Variants in SLC25A26 observed in about 807,000 individuals in gnomAD.
SLC25A26 encodes the protein solute carrier family 25 member 26, also known as mitochondrial S-adenosylmethionine carrier protein.
Under a neutral mutation model 37.8 loss-of-function variants are expected in SLC25A26, and 36 were observed. That is an observed-to-expected ratio of 0.95 (90% CI 0.73 to 1.26). The LOEUF (loss-of-function observed/expected upper bound fraction) is 1.26. SLC25A26 is among the 50% of genes most tolerant of loss of function. The probability of loss-of-function intolerance (pLI) is 0.00; values close to 1 mark genes in which losing one functional copy is unlikely to be tolerated. For missense variants in SLC25A26, 390 were observed against 331.1 expected (o/e 1.18, Z -1.38); for synonymous variants, 129 against 122.5 (o/e 1.05, Z -0.35).
chr3:66,283,324 C>A (rs989058849), intron 5 of SLC25A26, among the ~76,000 whole-genome samples: 5 of 152,142 alleles, frequency 3.3e-5, no homozygotes, highest in African/African-American at 1.2e-4. Flanking sequence ...ACTGTGTTAA[C>A]CCAGGCTGAG....
chr3:66,322,925 G>GT (rs1228284276), intron 5 of SLC25A26, among the ~76,000 whole-genome samples: 1 of 149,148 alleles, frequency 6.7e-6, no homozygotes, highest in African/African-American at 2.4e-5. Context: ...CCCCCAATCT[G>GT]TTTTTTACCT....
intron 5 of SLC25A26, among the ~76,000 whole-genome samples, chr3:66,295,523 T>G (rs1183869121): frequency 6.6e-6 from 1 of 151,054 alleles, no homozygotes; most frequent in African/African-American, 2.4e-5. Flanking sequence ...TGCCTCAGCC[T>G]CCTGAGTAGC....
chr3:66,363,498 C>T (rs1332070105), intron 7 of SLC25A26, among the ~76,000 whole-genome samples: 8 of 152,198 alleles, frequency 5.3e-5, no homozygotes, highest in Admixed American at 5.2e-4. Context: ...TATGCAATAC[C>T]GTGTTATCCA....
intron 7 of SLC25A26, among the ~76,000 whole-genome samples, chr3:66,368,732 T>C (rs1575618045): frequency 6.6e-6 from 1 of 152,260 alleles, no homozygotes; most frequent in East Asian, 1.9e-4. Context: ...AGAACAGTGG[T>C]CCAGGCTGGG....
intron 5 of SLC25A26, among the ~76,000 whole-genome samples, chr3:66,284,025 T>G (rs2074429172): frequency 6.6e-6 from 1 of 152,258 alleles, no homozygotes; most frequent in Non-Finnish European, 1.5e-5. Context: ...TAAAATATTT[T>G]AAAGTCAATT....
upstream of SLC25A26, among the ~76,000 whole-genome samples, chr3:66,216,794 A>G (rs2071368290): frequency 6.6e-6 from 1 of 152,156 alleles, no homozygotes; most frequent in African/African-American, 2.4e-5. Context: ...TGTAATGCAA[A>G]TCAGTGCTTA....
chr3:66,283,448 T>C (rs782740), intron 5 of SLC25A26, among the ~76,000 whole-genome samples: 46,169 of 151,910 alleles, frequency 0.3, 8,777 homozygotes, highest in African/African-American at 0.53. Flanking sequence ...ACCTGGCTAA[T>C]TTTTGTATTT....
chr3:66,233,765 A>T (rs1385192066), intron 1 of SLC25A26, among the ~76,000 whole-genome samples: 1 of 152,180 alleles, frequency 6.6e-6, no homozygotes, highest in East Asian at 1.9e-4. Flanking sequence ...AATCGATAGA[A>T]GCGTTTAGTA....
At chr3:66,325,693 G>T (rs78011527) in intron 5 of SLC25A26, among the ~76,000 whole-genome samples, 2 of 152,174 alleles carry the variant, frequency 1.3e-5, no homozygotes, top group Non-Finnish European at 2.9e-5. Flanking sequence ...AGGCCCCGGA[G>T]ATAAGGCCAG....
intron 5 of SLC25A26, among the ~76,000 whole-genome samples, chr3:66,328,046 A>C (rs558377602): frequency 6.6e-6 from 1 of 152,100 alleles, no homozygotes; most frequent in Non-Finnish European, 1.5e-5. Context: ...AAGAAGCAAG[A>C]TGGTTTTATG....
chr3:66,237,096 C>T (rs940429878), intron 2 of SLC25A26, among the ~76,000 whole-genome samples: 3 of 152,156 alleles, frequency 2.0e-5, no homozygotes, highest in Non-Finnish European at 2.9e-5. Context: ...CTTGGGCTCC[C>T]CAAAGTGCTG....
intron 5 of SLC25A26, among the ~76,000 whole-genome samples, chr3:66,292,479 A>C (rs1256095195): frequency 6.6e-6 from 1 of 152,174 alleles, no homozygotes; most frequent in Non-Finnish European, 1.5e-5. Flanking sequence ...AGGAGCTCCC[A>C]TAAGCCAGGC....
chr3:66,208,962 A>G (rs1236402294), intron 1 of SLC25A26, among the ~76,000 whole-genome samples: 1 of 61,004 alleles, frequency 1.6e-5, no homozygotes, highest in East Asian at 6.7e-4. Context: ...ATATATACCC[A>G]TATAAAGGTG....
At chr3:66,311,457 G>A (rs1553691738) in intron 5 of SLC25A26, among the ~76,000 whole-genome samples, 3 of 151,974 alleles carry the variant, frequency 2.0e-5, no homozygotes, top group Non-Finnish European at 4.4e-5. Context: ...GCTCCGAGGA[G>A]TTTGTTATTA....
At chr3:66,328,582 G>C (rs924425328) in intron 5 of SLC25A26, among the ~76,000 whole-genome samples, 10 of 152,082 alleles carry the variant, frequency 6.6e-5, no homozygotes, top group Non-Finnish European at 1.2e-4. Context: ...TCCATTCATC[G>C]ACAGCTGCTA....
intron 1 of SLC25A26, among the ~76,000 whole-genome samples, chr3:66,180,358 A>T (rs986682604): frequency 6.6e-6 from 1 of 152,176 alleles, no homozygotes; most frequent in African/African-American, 2.4e-5. Context: ...ATAAGTTTCT[A>T]ATGGCCTAGG....
At chr3:66,221,166 G>A (rs1553658205) in intron 1 of SLC25A26, 39 bp downstream of exon 1, 1 of 1,501,278 alleles carries the variant, frequency 6.7e-7, no homozygotes, top group Non-Finnish European at 8.8e-7. Context: ...TCAGAGTGCC[G>A]GCGTCCGGCA....
intron 5 of SLC25A26, among the ~76,000 whole-genome samples, chr3:66,289,162 T>G (rs2074617656): frequency 6.6e-6 from 1 of 152,172 alleles, no homozygotes; most frequent in South Asian, 2.1e-4. Context: ...TTGCCCAGTT[T>G]TTGATGGGGT....
intron 3 of SLC25A26, among the ~76,000 whole-genome samples, chr3:66,247,611 A>T (rs182869144): frequency 6.6e-6 from 1 of 152,330 alleles, no homozygotes; most frequent in African/African-American, 2.4e-5. Context: ...CACCCTGCCA[A>T]TATTGACCTT....
Sources: allele counts gnomAD v4.1 joint callset (sites outside exome capture counted in the v4.1 genomes callset), GRCh38; gene constraint gnomAD v4.1.1; transcripts MANE v1.5; gene names NCBI Gene and HGNC (gene_info 2026-07-23, HGNC 2026-07-21).